Variants in ADAM28 observed in about 807,000 individuals in gnomAD.
The protein encoded by ADAM28 is disintegrin and metalloproteinase domain-containing protein 28.
A neutral mutation model predicts 101.2 loss-of-function variants in ADAM28; 105 were observed. The ratio of observed to expected loss-of-function variants is 1.04; its 90% confidence interval spans 0.89 to 1.22. The LOEUF is 1.22. Ranked by LOEUF, ADAM28 falls within the 50% of genes most tolerant of loss-of-function variation. ADAM28 has a pLI of 0.00. For synonymous variants in ADAM28, 322 were observed against 310.6 expected (o/e 1.04, Z -0.39); for missense variants, 1,028 against 945.4 (o/e 1.09, Z -1.15).
At chr8:24,342,153 C>T (rs1345522039) in intron 16 of ADAM28, among the ~76,000 whole-genome samples, 1 of 152,134 alleles carries the variant, frequency 6.6e-6, no homozygotes, top group Non-Finnish European at 1.5e-5. Context: ...ATCTGTATAT[C>T]ATTAATAATA....
chr8:24,304,106 A>G (rs1205645815), intron 2 of ADAM28, among the ~76,000 whole-genome samples: 1 of 151,646 alleles, frequency 6.6e-6, no homozygotes, highest in African/African-American at 2.4e-5. Flanking sequence ...ATTTAAACAC[A>G]AGTGAAGTGT....
At chr8:24,305,938 T>C (rs1178068476) in intron 2 of ADAM28, among the ~76,000 whole-genome samples, 1 of 152,094 alleles carries the variant, frequency 6.6e-6, no homozygotes, top group Non-Finnish European at 1.5e-5. Flanking sequence ...GGCTAAACCA[T>C]TAGCAGTAAG....
Position 24,349,955 on chromosome 8 carries a change from G to A in ADAM28, c.2082G>A (p.Lys694=). ...TCCGGCACCAGAGCTCCAGAGAAAA[G>A]CAGAAGAAAGATCAGAGGTGATCCT... ...MVIRHQSSRE[K]QKKDQRPLST... Residue 694 remains lysine, a synonymous_variant, in exon 19 of 23, where the codon AAG becomes AAA. Coordinates refer to ENST00000265769, the MANE Select transcript of ADAM28 (RefSeq NM_014265.6). 6.2e-7 allele frequency: 1 copy of A among 1,613,558 alleles called. No individual in the cohort carries two copies. Among genetic ancestry groups the A allele is most frequent in the Non-Finnish European group, 8.5e-7 (1 of 1,179,666 alleles).
At chr8:24,306,007 G>A (rs1809558080) in intron 2 of ADAM28, among the ~76,000 whole-genome samples, 1 of 152,106 alleles carries the variant, frequency 6.6e-6, no homozygotes, top group South Asian at 2.1e-4. Flanking sequence ...GCATGACAGG[G>A]TTGCCAGATG....
intron 6 of ADAM28, 35 bp downstream of exon 6, chr8:24,313,615 T>G: frequency 1.3e-6 from 2 of 1,598,010 alleles, no homozygotes; most frequent in Non-Finnish European, 1.7e-6. Flanking sequence ...AATGCTCTCA[T>G]GTATTCTGCC....
rs758475450 is a variant in ADAM28 at position 24,355,540 on chromosome 8, G to A, written c.*1136G>A. Reference sequence around the variant, plus strand: ...CCCTTTTTTTTTTTGCTAGTAAGACGACAGAGGAATTATGTTACAACACTT... The same window carrying A: ...CCCTTTTTTTTTTTGCTAGTAAGACAACAGAGGAATTATGTTACAACACTT... On this transcript the variant is annotated 3_prime_UTR_variant, in exon 23 of 23. Coordinates refer to ENST00000265769, the MANE Select transcript of ADAM28 (RefSeq NM_014265.6). 2.0e-5 allele frequency: 3 copies of A among 150,128 alleles called. No individual in the cohort carries two copies. Among genetic ancestry groups the A allele is most frequent in the Admixed American group, 6.6e-5 (1 of 15,042 alleles). The allele number at this position is 150,128 out of a possible 1,614,324, so 9.3% of individuals were successfully genotyped here. A position where few individuals can be genotyped will look rare whatever the true frequency, so the allele number is the denominator to read the frequency against.
At chr8:24,304,047 A>G (rs10109893) in intron 2 of ADAM28, among the ~76,000 whole-genome samples, 9,772 of 151,860 alleles carry the variant, frequency 0.064, 492 homozygotes, top group African/African-American at 0.14. Context: ...ACACACACAC[A>G]TGCACGTGCA....
intron 14 of ADAM28, chr8:24,336,035 T>C (rs981421308): frequency 2.0e-6 from 2 of 1,001,348 alleles, no homozygotes; most frequent in Non-Finnish European, 2.4e-6. Context: ...TCTGTGTGTG[T>C]GCGGGTGTGT....
At chr8:24,309,160 C>T (rs1810096104) in intron 2 of ADAM28, among the ~76,000 whole-genome samples, 1 of 152,110 alleles carries the variant, frequency 6.6e-6, no homozygotes, top group South Asian at 2.1e-4. Flanking sequence ...TACCAATATC[C>T]AAGTTTAAAA....
chr8:24,330,754 G>A (rs933523922), intron 11 of ADAM28, among the ~76,000 whole-genome samples: 2 of 152,116 alleles, frequency 1.3e-5, no homozygotes, highest in South Asian at 4.1e-4. Flanking sequence ...TATTACAGCA[G>A]TTTTAAACCT....
At chr8:24,326,385 G>A (rs1303650208) in intron 9 of ADAM28, among the ~76,000 whole-genome samples, 169 bp from the exon 10 acceptor site, 2 of 151,866 alleles carry the variant, frequency 1.3e-5, no homozygotes, top group African/African-American at 4.8e-5. Context: ...TAACACAAAA[G>A]CCATTCTATA....
rs1816838883 is a variant in ADAM28, at chr8:24,358,759, T to A, written c.*4355T>A. On this transcript the variant is annotated 3_prime_UTR_variant, in exon 23 of 23. Coordinates refer to ENST00000265769, the MANE Select transcript of ADAM28 (RefSeq NM_014265.6). ...AATACTATTGTTATAAAAAAAATCC[T>A]AAGCATGAAAATTACGGTATACAAT... The A allele has an allele frequency of 6.6e-6, 1 of 152,194 alleles. No homozygotes were observed. Among genetic ancestry groups the A allele is most frequent in the Non-Finnish European group, 1.5e-5 (1 of 68,038 alleles). 9.4% of individuals were successfully genotyped at this position (152,194 alleles called of 1,614,324 possible). A position where few individuals can be genotyped will look rare whatever the true frequency, so the allele number is the denominator to read the frequency against.
rs549811083 is a variant in ADAM28, at chr8:24,299,949, G to A, written c.47-25G>A. The A allele has an allele frequency of 3.8e-4, 604 of 1,582,384 alleles. 6 individuals are homozygous for A. The South Asian group carries it at 6.5e-3, about 17-fold the overall frequency. On this transcript the variant is annotated intron_variant, in intron 1 of 22. Transcript: ENST00000265769. ...GCCTACTTCAGTTCTACCTGGATAA[G>A]TCTTTTCTTTTTCTTTTTTCTCAGT...
intron 10 of ADAM28, 26 bp downstream of exon 10, chr8:24,326,661 T>G: frequency 6.3e-7 from 1 of 1,589,324 alleles, no homozygotes; most frequent in Non-Finnish European, 8.6e-7. Flanking sequence ...AACTGTTGGT[T>G]CTATGATTTA....
At chr8:24,313,981 T>A (rs1252151740) in intron 6 of ADAM28, among the ~76,000 whole-genome samples, 1 of 152,118 alleles carries the variant, frequency 6.6e-6, no homozygotes, top group Non-Finnish European at 1.5e-5. Context: ...GGTCTCCAAC[T>A]CCCGACCTCG....
At position 24,331,333 on chromosome 8, in the gene ADAM28, G is replaced by A; in HGVS notation, c.1281+6G>A. On this transcript the variant is annotated splice_donor_region_variant and intron_variant, in intron 12 of 22. Coordinates refer to ENST00000265769, the MANE Select transcript of ADAM28 (RefSeq NM_014265.6). ...GTGATTGTGGGACATCTGAGGTATG[G>A]CCAATCACTTTCTAAAACGATCTAG... The A allele has an allele frequency of 2.5e-6, 4 of 1,585,092 alleles. No individual in the cohort carries two copies. Among genetic ancestry groups the A allele is most frequent in the Non-Finnish European group, 3.4e-6 (4 of 1,168,146 alleles).
At chr8:24,329,069 C>T (rs557568899) in intron 10 of ADAM28, among the ~76,000 whole-genome samples, 1 of 152,154 alleles carries the variant, frequency 6.6e-6, no homozygotes, top group South Asian at 2.1e-4. Context: ...TCATATAGGC[C>T]TCTAAACACA....
At position 24,352,045 on chromosome 8, in the gene ADAM28, C is replaced by T. The variant is rs201569481; in HGVS notation, c.2237C>T (p.Ala746Val). 7 of 1,613,728 alleles carry T rather than the reference C, an allele frequency of 4.3e-6. No homozygotes were observed. In the East Asian group the frequency reaches 1.6e-4, roughly 36 times the overall value. Residue 746 changes from alanine (A) to valine (V), a missense_variant, in exon 21 of 23, where the codon GCC becomes GTC. Transcript: ENST00000265769. ...DLPVEGNEPPASFHKDTNALP... is the reference protein window; with the variant it reads ...DLPVEGNEPPVSFHKDTNALP... ...CCAGTAGAAGGCAATGAGCCCCCAG[C>T]CTCTTTTGTGAGTTAGCAACTTCTC... is the stretch of plus-strand genomic sequence containing the variant.
intron 2 of ADAM28, among the ~76,000 whole-genome samples, chr8:24,303,106 G>A (rs1049037490): frequency 7.9e-5 from 12 of 152,162 alleles, no homozygotes; most frequent in African/African-American, 2.6e-4. Context: ...TGTTCACTCT[G>A]ATGATAGTTT....
Sources: gnomAD v4.1 joint callset for allele counts (sites outside exome capture counted in the v4.1 genomes callset) on GRCh38, gnomAD v4.1.1 for gene constraint, MANE v1.5 for transcripts, NCBI Gene and HGNC (gene_info 2026-07-23, HGNC 2026-07-21) for gene names.